Variants in IL21R observed in about 807,000 individuals in gnomAD.
The protein encoded by IL21R is interleukin-21 receptor.
In IL21R, 14 loss-of-function variants were observed where a neutral mutation model predicts 41.3. The ratio of observed to expected loss-of-function variants is 0.34; its 90% CI spans 0.22 to 0.53. The LOEUF (loss-of-function observed/expected upper bound fraction) is 0.53. Among genes scored for constraint, IL21R ranks in the 20% least tolerant of loss-of-function variants. IL21R has a pLI of 0.94. For missense variants in IL21R, 588 were observed against 681.6 expected (o/e 0.86, Z 1.53); for synonymous variants, 286 against 287.6 (o/e 0.99, Z 0.05).
At chr16:27,437,077 A>G (rs1234205699) in intron 3 of IL21R, among the ~76,000 whole-genome samples, 1 of 152,182 alleles carries the variant, frequency 6.6e-6, no homozygotes, top group Non-Finnish European at 1.5e-5. Flanking sequence ...CTGTCTCAAA[A>G]AAATGGATGT....
At position 27,449,091 on chromosome 16, in the gene IL21R, G is replaced by C. The variant is rs1277122306; in HGVS notation, c.1425G>C (p.Glu475Asp). Residue 475 changes from glutamate (E) to aspartate (D), a missense_variant, in exon 9 of 9, where the codon GAG becomes GAC. Glu to Asp is a conservative substitution (Grantham distance 45). Transcript: ENST00000337929. ...GCCGGTCACCTGGAGGGGTCTCAGAGAGTGAGGCGGGCTCACCCCTGGCCG... is the reference window on the plus strand; with the variant it reads ...GCCGGTCACCTGGAGGGGTCTCAGACAGTGAGGCGGGCTCACCCCTGGCCG... ...WGGRSPGGVS[E>D]SEAGSPLAGL... The C allele has an allele frequency of 6.2e-7, 1 of 1,613,496 alleles. No homozygotes were observed. The highest frequency in any genetic ancestry group is 1.1e-5 in the South Asian group (1 of 91,076).
Position 27,449,449 on chromosome 16 carries a change from T to TGC in IL21R, c.*167_*168dup. ...GTGTGTGTGTGCATATGTGTGTGTG[T>TGC]GCATATGCATGTGTGTGTGTGTGTG... On this transcript the variant is annotated 3_prime_UTR_variant, in exon 9 of 9. Coordinates refer to ENST00000337929, the MANE Select transcript of IL21R (RefSeq NM_181078.3). 1.5e-6 allele frequency: 1 copy of TGC among 661,076 alleles called. No homozygotes were observed. The highest frequency in any genetic ancestry group is 2.0e-5 in the South Asian group (1 of 51,104). 41.0% of individuals were successfully genotyped at this position (661,076 alleles called of 1,614,324 possible).
intron 2 of IL21R, among the ~76,000 whole-genome samples, 153 bp downstream of exon 2, chr16:27,430,273 T>C (rs550819499): frequency 1.3e-5 from 2 of 152,312 alleles, no homozygotes; most frequent in South Asian, 2.1e-4. Context: ...ACGAGTCCAG[T>C]AGCCGGCTCT....
intron 1 of IL21R, among the ~76,000 whole-genome samples, chr16:27,407,830 CA>C (rs1220719937): frequency 6.6e-6 from 1 of 152,112 alleles, no homozygotes; most frequent in Non-Finnish European, 1.5e-5. Context: ...ATCTCAAAAA[CA>C]AAACAAAACA....
intron 8 of IL21R, chr16:27,447,932 C>A (rs748175223): frequency 6.6e-6 from 1 of 152,438 alleles, no homozygotes; most frequent in Non-Finnish European, 1.5e-5. Flanking sequence ...ATGGGGCCAC[C>A]AGTTGTCTGA....
chr16:27,416,040 TG>T (rs2086890634), intron 1 of IL21R, among the ~76,000 whole-genome samples: 1 of 152,252 alleles, frequency 6.6e-6, no homozygotes, highest in Admixed American at 6.5e-5. Context: ...TTCTTACCTT[TG>T]GGGTTTCATG....
At chr16:27,430,953 ATGT>A (rs1205789448) in intron 2 of IL21R, among the ~76,000 whole-genome samples, 2 of 152,148 alleles carry the variant, frequency 1.3e-5, no homozygotes, top group East Asian at 3.9e-4. Context: ...AGAGGACCAG[ATGT>A]TGTGGTTAGA....
chr16:27,434,181 C>CT (rs1378527450), intron 2 of IL21R, among the ~76,000 whole-genome samples, 166 bp from the exon 3 acceptor site: 1 of 151,828 alleles, frequency 6.6e-6, no homozygotes, highest in Non-Finnish European at 1.5e-5. Flanking sequence ...GTGGTGAGGC[C>CT]CCCTGGGTGC....
At chr16:27,423,290 C>T (rs1596576246) in intron 1 of IL21R, among the ~76,000 whole-genome samples, 1 of 151,824 alleles carries the variant, frequency 6.6e-6, no homozygotes, top group East Asian at 1.9e-4. Flanking sequence ...ACAACAGCTA[C>T]TTCATTATAG....
At chr16:27,434,311 C>A in intron 2 of IL21R, 36 bp from the exon 3 acceptor site, 2 of 1,371,632 alleles carry the variant, frequency 1.5e-6, no homozygotes, top group Non-Finnish European at 2.1e-6. Context: ...CCCAAGCCAC[C>A]CCCCACCAAG....
intron 6 of IL21R, 53 bp downstream of exon 6, chr16:27,444,772 G>T: frequency 6.9e-7 from 1 of 1,448,628 alleles, no homozygotes; most frequent in Non-Finnish European, 9.2e-7. Flanking sequence ...ATTTTGTCCT[G>T]TTCTAGCCAC....
At chr16:27,403,092 G>A (rs568492874) in intron 1 of IL21R, 1 of 565,872 alleles carries the variant, frequency 1.8e-6, no homozygotes, top group South Asian at 1.5e-5. Flanking sequence ...GAGGCAATGA[G>A]GCTGCGAGAG....
intron 1 of IL21R, among the ~76,000 whole-genome samples, chr16:27,412,426 T>A (rs777697401): frequency 2.0e-5 from 3 of 151,980 alleles, no homozygotes; most frequent in Non-Finnish European, 4.4e-5. Context: ...TCTTCTTTTT[T>A]TTTTTAGAGT....
At chr16:27,410,633 G>C (rs2086809765) in intron 1 of IL21R, among the ~76,000 whole-genome samples, 2 of 152,100 alleles carry the variant, frequency 1.3e-5, no homozygotes, top group South Asian at 2.1e-4. Context: ...AACAAGAGAG[G>C]GTATTGTAGT....
intron 3 of IL21R, among the ~76,000 whole-genome samples, 170 bp downstream of exon 3, chr16:27,434,619 C>G (rs2087235091): frequency 2.0e-5 from 3 of 152,180 alleles, no homozygotes; most frequent in Admixed American, 6.5e-5. Context: ...GTCTATCCAC[C>G]AGCTTCAAAG....
chr16:27,450,154 G>A lies in IL21R; in HGVS notation c.*871G>A, dbSNP rs1055899179. On this transcript the variant is annotated 3_prime_UTR_variant, in exon 9 of 9. Transcript: ENST00000337929. Reference sequence around the variant, plus strand: ...GCCTGGGCACCCGCGGGGCCGTCCCGCCTGCAGAGGGCCACTCGGGGGGGT... The same window carrying A: ...GCCTGGGCACCCGCGGGGCCGTCCCACCTGCAGAGGGCCACTCGGGGGGGT... 7 of 232,838 alleles carry A rather than the reference G, an allele frequency of 3.0e-5. No homozygotes were observed. The highest frequency in any genetic ancestry group is 5.6e-5 in the Admixed American group (1 of 17,762). 14.4% of individuals were successfully genotyped at this position (232,838 alleles called of 1,614,324 possible).
intron 1 of IL21R, among the ~76,000 whole-genome samples, chr16:27,419,833 T>C (rs2086971138): frequency 6.7e-6 from 1 of 150,106 alleles, no homozygotes; most frequent in South Asian, 2.1e-4. Context: ...TTATTATTAT[T>C]ATTATTATTA....
rs190217042 is a variant in IL21R, at chr16:27,406,979, C to T, written c.-17+4361C>T. On this transcript the variant is annotated intron_variant, in intron 1 of 8. Coordinates refer to ENST00000337929, the MANE Select transcript of IL21R (RefSeq NM_181078.3). ...AGCCCACTGTCCTTCTCTGAAAGTT[C>T]CTTGTTACTAATCTGATGACATTAG... 2.0e-5 allele frequency among the ~76,000 whole-genome samples: 3 copies of T among 152,302 alleles called. No individual in the cohort carries two copies. The East Asian group carries it at 5.8e-4, about 29-fold the overall frequency.
At chr16:27,408,441 G>C (rs1267650511) in intron 1 of IL21R, among the ~76,000 whole-genome samples, 1 of 152,194 alleles carries the variant, frequency 6.6e-6, no homozygotes, top group African/African-American at 2.4e-5. Flanking sequence ...ACCAGACAAG[G>C]AATTTGGGGT....
Sources: allele counts gnomAD v4.1 joint callset (sites outside exome capture counted in the v4.1 genomes callset), GRCh38; gene constraint gnomAD v4.1.1; transcripts MANE v1.5; gene names NCBI Gene and HGNC (gene_info 2026-07-23, HGNC 2026-07-21).